The following MYO7A variants were observed in gnomAD, a reference collection of about 807,000 sequenced individuals.
MYO7A encodes the protein myosin VIIA.
In MYO7A, 210 loss-of-function variants were observed where a neutral mutation model predicts 263.8. That is an observed-to-expected ratio of 0.80 (90% CI 0.71 to 0.89). MYO7A has a LOEUF of 0.89. Ranked by LOEUF, MYO7A falls within the 40% of genes least tolerant of loss-of-function variation. MYO7A has a pLI of 0.00. For synonymous variants in MYO7A, 1,239 were observed against 1,197.3 expected, an observed-to-expected ratio of 1.03 and a Z score of -0.72; for missense variants, 2,820 against 2,968.3, an observed-to-expected ratio of 0.95 and a Z score of 1.16.
intron 14 of MYO7A, 66 bp downstream of exon 14, chr11:77,163,054 A>G: frequency 7.7e-6 from 12 of 1,555,248 alleles, no homozygotes; most frequent in Non-Finnish European, 1.1e-5. Flanking sequence ...GCTCCAGCCC[A>G]GGAATAAGAT....
rs727505114 is a variant in MYO7A, at chr11:77,208,427, C to A, written c.5857-3C>A. On this transcript the variant is annotated splice_region_variant and splice_polypyrimidine_tract_variant and intron_variant, in intron 42 of 48. Transcript: ENST00000409709. ...GAGTGTGCTTCGATGGCCCTGACCC[C>A]AGGTCCTCAGCGTTCCTGAGAATGA... The A allele has an allele frequency of 1.6e-5, 25 of 1,609,518 alleles. No individual in the cohort carries two copies. Among genetic ancestry groups the A allele is most frequent in the Non-Finnish European group, 2.0e-5 (24 of 1,176,396 alleles).
intron 2 of MYO7A, among the ~76,000 whole-genome samples, chr11:77,133,910 T>C (rs1950839230): frequency 6.6e-6 from 1 of 152,276 alleles, no homozygotes; most frequent in Non-Finnish European, 1.5e-5. Flanking sequence ...TTTTCCTCAA[T>C]GATTATTCTT....
At chr11:77,170,845 G>A (rs1020333716) in intron 15 of MYO7A, among the ~76,000 whole-genome samples, 2 of 152,162 alleles carry the variant, frequency 1.3e-5, no homozygotes, top group South Asian at 2.1e-4. Context: ...GTCAGGTTCT[G>A]GAGATATTTT....
At chr11:77,157,703 G>A (rs1290719122) in intron 8 of MYO7A, among the ~76,000 whole-genome samples, 2 of 152,212 alleles carry the variant, frequency 1.3e-5, no homozygotes, top group Non-Finnish European at 1.5e-5. Flanking sequence ...GTAAGTGTGG[G>A]CTATGGCACC....
In MYO7A at chr11:77,147,955, G is replaced by A; in HGVS notation, c.285+5G>A. ...TACCGGGACCACCTCATCTACGTGA[G>A]TGCCGCCCCGCCCGGTGCCCGTCCA... On this transcript the variant is annotated splice_donor_5th_base_variant and intron_variant, in intron 4 of 48. Coordinates refer to ENST00000409709, the MANE Select transcript of MYO7A (RefSeq NM_000260.4). 1 of 1,538,504 alleles carries A rather than the reference G, an allele frequency of 6.5e-7. No individual in the cohort carries two copies. The highest frequency in any genetic ancestry group is 8.8e-7 in the Non-Finnish European group (1 of 1,140,740).
At position 77,205,427 on chromosome 11, in the gene MYO7A, G is replaced by A. The variant is rs987539455; in HGVS notation, c.5481-35G>A. ...ACAGGTCCTGTGACTCCCGATGGCAGCTGCCCCTGCTGGAGCCCACGCCTC... is the reference window on the plus strand; with the variant it reads ...ACAGGTCCTGTGACTCCCGATGGCAACTGCCCCTGCTGGAGCCCACGCCTC... On this transcript the variant is annotated intron_variant, in intron 39 of 48. Coordinates refer to ENST00000409709, the MANE Select transcript of MYO7A (RefSeq NM_000260.4). 23 of 1,545,176 alleles carry A rather than the reference G, an allele frequency of 1.5e-5. 1 individual carries two copies. Among genetic ancestry groups the A allele is most frequent in the Admixed American group, 1.4e-4 (7 of 50,896 alleles).
rs181511683 is a variant in MYO7A at position 77,208,528 on chromosome 11, C to T, written c.5944+11C>T. On this transcript the variant is annotated intron_variant, in intron 43 of 48. Transcript: ENST00000409709. ...GGCCCATCAAGGACGGTAATGAGGCCGGGTCCTGGGATCATCTGAGGCCCA... is the reference window on the plus strand; with the variant it reads ...GGCCCATCAAGGACGGTAATGAGGCTGGGTCCTGGGATCATCTGAGGCCCA... 80 of 1,609,294 alleles carry T rather than the reference C, an allele frequency of 5.0e-5. No homozygotes were observed. Among genetic ancestry groups the T allele is most frequent in the East Asian group, 3.3e-4 (15 of 44,794 alleles).
chr11:77,158,215 A>G (rs927797031), intron 8 of MYO7A, 62 bp from the exon 9 acceptor site: 3 of 1,482,878 alleles, frequency 2.0e-6, no homozygotes, highest in Non-Finnish European at 2.7e-6. Context: ...GCAGCCAGGC[A>G]CTGCCCCTCT....
In MYO7A at chr11:77,181,366, C is replaced by A. The variant is rs781863817; in HGVS notation, c.2695-14C>A. The stretch of plus-strand genomic sequence containing the variant: ...GGCTGACCCCGTGTCTTCTGTGTCA[C>A]CCCAATTGCCCAGGAGCGCCTGGCC... On this transcript the variant is annotated splice_polypyrimidine_tract_variant and intron_variant, in intron 22 of 48. Transcript: ENST00000409709. The A allele has an allele frequency of 6.5e-7, 1 of 1,548,822 alleles. No homozygotes were observed. Among genetic ancestry groups the A allele is most frequent in the South Asian group, 1.2e-5 (1 of 84,126 alleles).
chr11:77,153,816 A>G (rs1184166216), intron 4 of MYO7A, among the ~76,000 whole-genome samples: 1 of 151,874 alleles, frequency 6.6e-6, no homozygotes, highest in Non-Finnish European at 1.5e-5. Context: ...CCCCTATCTC[A>G]TGAAATCTAG....
chr11:77,147,272 A>C (rs143576949), intron 3 of MYO7A, among the ~76,000 whole-genome samples: 2 of 149,666 alleles, frequency 1.3e-5, no homozygotes, highest in East Asian at 4.0e-4. Flanking sequence ...TTCATGCCTC[A>C]GCTCATATGC....
rs1243849333 is a variant in MYO7A, at chr11:77,158,163, G to A, written c.850-114G>A. ...GGGTGAGGTCAGCGCCTGGGGCCCCGGGCTGGCCTGGCCTGTCAGGCAGAA... is the reference window on the plus strand; with the variant it reads ...GGGTGAGGTCAGCGCCTGGGGCCCCAGGCTGGCCTGGCCTGTCAGGCAGAA... On this transcript the variant is annotated intron_variant, in intron 8 of 48. Coordinates refer to ENST00000409709, the MANE Select transcript of MYO7A (RefSeq NM_000260.4). The A allele has an allele frequency of 2.1e-5, 27 of 1,262,688 alleles. No homozygotes were observed. The Admixed American group carries it at 4.3e-4, about 20-fold the overall frequency. The allele number at this position is 1,262,688 out of a possible 1,614,324, so 78.2% of individuals were successfully genotyped here.
rs767931313 is a variant in MYO7A at position 77,207,397 on chromosome 11, G to C, written c.5851G>C (p.Asp1951His). Residue 1951 changes from aspartate to histidine, a missense_variant, in exon 42 of 49, where the codon GAC becomes CAC. Asp to His is a moderately conservative substitution (Grantham distance 81). Coordinates refer to ENST00000409709, the MANE Select transcript of MYO7A (RefSeq NM_000260.4). ...ATTCAGCCTCTTTGTCAAAATTGCA[G>C]ACAAGGTGGGTCCTTTGCCACCTTC... is the stretch of plus-strand genomic sequence containing the variant. ...EGFSLFVKIA[D>H]KVLSVPENDF... 8 of 1,602,922 alleles carry C rather than the reference G, an allele frequency of 5.0e-6. No homozygotes were observed. Among genetic ancestry groups the C allele is most frequent in the Non-Finnish European group, 6.8e-6 (8 of 1,173,858 alleles).
chr11:77,140,640 G>A (rs1951156299), intron 2 of MYO7A, among the ~76,000 whole-genome samples: 1 of 152,218 alleles, frequency 6.6e-6, no homozygotes, highest in African/African-American at 2.4e-5. Context: ...TGGGGAAGGG[G>A]AGCAGACCCT....
chr11:77,160,261 C>CGCCTTCGTAAAG lies in MYO7A; in HGVS notation c.1180_1181insCCTTCGTAAAGG (p.Asp393_Val394insAlaPheValLys), dbSNP rs1565352034. 6.4e-7 allele frequency: 1 copy of CGCCTTCGTAAAG among 1,570,308 alleles called. No homozygotes were observed. The highest frequency in any genetic ancestry group is 8.6e-7 in the Non-Finnish European group (1 of 1,158,364). ...CACTGAGCAGGGAACAGGCACTGGA[C>CGCCTTCGTAAAG]GTGCGCGACGCCTTCGTAAAGGTGG... On this transcript the variant is annotated inframe_insertion, in exon 11 of 49. Transcript: ENST00000409709.
In MYO7A at chr11:77,156,733, C is replaced by T; in HGVS notation, c.544C>T (p.His182Tyr). The change falls in exon 6 of 49, where the codon CAC becomes TAC. Residue 182 changes from histidine to tyrosine, a missense_variant. His to Tyr is a moderately conservative substitution (Grantham distance 83). Coordinates refer to ENST00000409709, the MANE Select transcript of MYO7A (RefSeq NM_000260.4). ...LQFLAAISGQ[H>Y]SWIEQQVLEA... Reference sequence around the variant, plus strand: ...GTTCCTGGCAGCCATCAGTGGGCAGCACTCGTGGATTGAGCAGCAGGTCTT... The same window carrying T: ...GTTCCTGGCAGCCATCAGTGGGCAGTACTCGTGGATTGAGCAGCAGGTCTT... The T allele has an allele frequency of 6.2e-7, 1 of 1,613,998 alleles. No homozygotes were observed. Among genetic ancestry groups the T allele is most frequent in the Non-Finnish European group, 8.5e-7 (1 of 1,179,890 alleles).
intron 15 of MYO7A, among the ~76,000 whole-genome samples, chr11:77,172,372 A>G (rs1954178140): frequency 6.6e-6 from 1 of 152,154 alleles, no homozygotes; most frequent in Admixed American, 6.5e-5. Context: ...TGAGGTGACC[A>G]AGTCCGATTA....
intron 2 of MYO7A, among the ~76,000 whole-genome samples, chr11:77,131,471 G>A (rs1300957954): frequency 6.6e-6 from 1 of 152,232 alleles, no homozygotes; most frequent in Admixed American, 6.5e-5. Context: ...CATCAGGACA[G>A]ACATTCTTCT....
chr11:77,140,069 G>A lies in MYO7A; in HGVS notation c.19-2640G>A, dbSNP rs7105875. Among the ~76,000 whole-genome samples, 767 of 152,304 alleles carry A rather than the reference G, an allele frequency of 5.0e-3. 5 individuals are homozygous for A. The highest frequency in any genetic ancestry group is 0.033 in the East Asian group (173 of 5,182). On this transcript the variant is annotated intron_variant, in intron 2 of 48. Transcript: ENST00000409709. ...AGAGTTGTAGTCATGTCTGTTTGCT[G>A]TGTGGCCCCAAGAGCTTCACTCAGC...
Sources: allele counts gnomAD v4.1 joint callset (sites outside exome capture counted in the v4.1 genomes callset), GRCh38; gene constraint gnomAD v4.1.1; transcripts MANE v1.5; gene names NCBI Gene and HGNC (gene_info 2026-07-23, HGNC 2026-07-21).